Variants in DPP6 observed in about 807,000 individuals in gnomAD.
DPP6 encodes the protein A-type potassium channel modulatory protein DPP6.
Under a neutral mutation model 122.6 loss-of-function variants are expected in DPP6, and 69 were observed. That is an observed-to-expected ratio of 0.56 (90% CI 0.46 to 0.69). The LOEUF (loss-of-function observed/expected upper bound fraction) is 0.69, where lower values mean the gene tolerates loss of function less well. Ranked by LOEUF, DPP6 falls within the 30% of genes least tolerant of loss-of-function variation. The probability of loss-of-function intolerance (pLI) is 0.00; values close to 1 mark genes in which losing one functional copy is unlikely to be tolerated. For missense variants in DPP6, 928 were observed against 1,116.9 expected (o/e 0.83, Z 2.41); for synonymous variants, 418 against 433.1 (o/e 0.97, Z 0.43).
chr7:154,255,712 A>T (rs1399374142), intron 1 of DPP6, among the ~76,000 whole-genome samples: 1 of 152,232 alleles, frequency 6.6e-6, no homozygotes, highest in Non-Finnish European at 1.5e-5. Flanking sequence ...AACAGAAACT[A>T]GATGTTTCCA....
intron 1 of DPP6, among the ~76,000 whole-genome samples, chr7:154,416,331 A>G (rs1817012261): frequency 6.6e-6 from 1 of 152,148 alleles, no homozygotes; most frequent in Non-Finnish European, 1.5e-5. Context: ...GGTCAGTAGT[A>G]AGCTAACACA....
intron 3 of DPP6, among the ~76,000 whole-genome samples, chr7:154,524,069 T>C (rs145984919): frequency 3.9e-4 from 59 of 152,364 alleles, no homozygotes; most frequent in African/African-American, 1.4e-3. Context: ...CTCTCCTTCA[T>C]AAACAGGCTA....
chr7:154,337,431 C>T (rs1435439709), intron 1 of DPP6, among the ~76,000 whole-genome samples: 2 of 152,188 alleles, frequency 1.3e-5, no homozygotes, highest in African/African-American at 4.8e-5. Context: ...AGAAGAGCAG[C>T]ATTTGCCCAC....
intron 1 of DPP6, among the ~76,000 whole-genome samples, chr7:153,993,265 T>A (rs1797267862): frequency 6.6e-6 from 1 of 152,194 alleles, no homozygotes; most frequent in African/African-American, 2.4e-5. Context: ...AATGAACTCT[T>A]GTGAAGCAAT....
intron 5 of DPP6, among the ~76,000 whole-genome samples, chr7:154,580,943 A>C (rs926225687): frequency 1.3e-5 from 2 of 152,316 alleles, no homozygotes; most frequent in East Asian, 1.9e-4. Context: ...TGCTGACAGA[A>C]GCCTTCCCAG....
At chr7:154,680,631 C>T (rs1425562339) in intron 7 of DPP6, among the ~76,000 whole-genome samples, 1 of 151,814 alleles carries the variant, frequency 6.6e-6, no homozygotes, top group Non-Finnish European at 1.5e-5. Flanking sequence ...ACTGGCCAGA[C>T]TGGGCTTTTT....
intron 5 of DPP6, among the ~76,000 whole-genome samples, chr7:154,584,311 C>T (rs1832287302): frequency 6.6e-6 from 1 of 152,240 alleles, no homozygotes; most frequent in South Asian, 2.1e-4. Context: ...CTCCCACGCC[C>T]TTCCAGCCTC....
intron 1 of DPP6, among the ~76,000 whole-genome samples, chr7:154,235,056 C>A (rs2150859484): frequency 6.6e-6 from 1 of 152,336 alleles, no homozygotes; most frequent in Non-Finnish European, 1.5e-5. Context: ...ACAATTTACC[C>A]ATTTAAAGCA....
intron 16 of DPP6, among the ~76,000 whole-genome samples, chr7:154,810,328 T>C (rs765363350): frequency 6.6e-6 from 1 of 152,210 alleles, no homozygotes; most frequent in Non-Finnish European, 1.5e-5. Flanking sequence ...AGGAGATCCA[T>C]GGCCATGGAT....
intron 1 of DPP6, chr7:154,059,345 T>C (rs1801332053): frequency 6.4e-6 from 1 of 157,360 alleles, no homozygotes; most frequent in Non-Finnish European, 1.4e-5. Flanking sequence ...GCCCCCATCG[T>C]TGATCCTAAG....
chr7:154,303,004 C>T (rs752743792), intron 1 of DPP6, among the ~76,000 whole-genome samples: 9 of 147,944 alleles, frequency 6.1e-5, no homozygotes, highest in Non-Finnish European at 1.2e-4. Flanking sequence ...TGTTTTGAGA[C>T]GGAGTCTTGC....
chr7:154,857,136 C>G (rs1802910468), intron 17 of DPP6, among the ~76,000 whole-genome samples: 1 of 152,270 alleles, frequency 6.6e-6, no homozygotes, highest in African/African-American at 2.4e-5. Flanking sequence ...GTAGTTCAAG[C>G]TCTTTCAGGA....
intron 3 of DPP6, among the ~76,000 whole-genome samples, chr7:154,514,042 A>G (rs962848220): frequency 6.6e-6 from 1 of 152,120 alleles, no homozygotes; most frequent in African/African-American, 2.4e-5. Flanking sequence ...TGGGAGGCCG[A>G]GGTAGTGGAT....
intron 1 of DPP6, among the ~76,000 whole-genome samples, chr7:154,245,873 G>T (rs554160713): frequency 6.6e-6 from 1 of 152,118 alleles, no homozygotes; most frequent in Non-Finnish European, 1.5e-5. Flanking sequence ...CTCAGTAACT[G>T]TTAGAACAAT....
In DPP6 at chr7:154,327,762, C is replaced by T. The variant is rs541648780; in HGVS notation, c.244-118452C>T. Among the ~76,000 whole-genome samples, 3 of 152,252 alleles carry T rather than the reference C, an allele frequency of 2.0e-5. No individual in the cohort carries two copies. The South Asian group carries it at 6.2e-4, about 32-fold the overall frequency. On this transcript the variant is annotated intron_variant, in intron 1 of 25. Transcript: ENST00000377770. ...AAATGTATGGGACACATTCTTTCCT[C>T]TATTATGAGCTTGTCTCTTAATTAC... is the stretch of plus-strand genomic sequence containing the variant.
intron 5 of DPP6, among the ~76,000 whole-genome samples, chr7:154,589,732 A>G (rs988427248): frequency 5.9e-5 from 9 of 152,332 alleles, no homozygotes; most frequent in African/African-American, 1.9e-4. Flanking sequence ...CTGAATATTT[A>G]ACGACCTTCA....
chr7:154,369,339 G>T (rs1191597306), intron 1 of DPP6, among the ~76,000 whole-genome samples: 1 of 152,028 alleles, frequency 6.6e-6, no homozygotes, highest in Non-Finnish European at 1.5e-5. Flanking sequence ...TTCTGTTGCT[G>T]AAGTTTGTAA....
intron 10 of DPP6, 104 bp from the exon 11 acceptor site, chr7:154,793,975 G>A (rs756089365): frequency 3.2e-5 from 48 of 1,477,678 alleles, no homozygotes; most frequent in Non-Finnish European, 4.2e-5. Flanking sequence ...ACTGGCTCCG[G>A]CCCCCGGCTC....
chr7:154,371,378 C>CAAAAAAA (rs1167770083), intron 1 of DPP6, among the ~76,000 whole-genome samples: 230 of 47,708 alleles, frequency 4.8e-3, no homozygotes, highest in East Asian at 8.5e-3. Context: ...AACTCTGTCT[C>CAAAAAAA]AAAAAAAAAA....
Sources: allele counts gnomAD v4.1 joint callset (sites outside exome capture counted in the v4.1 genomes callset), GRCh38; gene constraint gnomAD v4.1.1; transcripts MANE v1.5; gene names NCBI Gene and HGNC (gene_info 2026-07-23, HGNC 2026-07-21).